PPP1R21: variants seen among roughly 807,000 people sequenced by gnomAD.
PPP1R21 encodes the protein KLRAQ motif containing 1.
In PPP1R21, 85 loss-of-function variants were observed where a neutral mutation model predicts 112.8. The ratio of observed to expected loss-of-function variants is 0.75; its 90% CI spans 0.63 to 0.90. The LOEUF is 0.90. Ranked by LOEUF, PPP1R21 falls within the 40% of genes least tolerant of loss-of-function variation. The pLI, the probability that PPP1R21 is intolerant of heterozygous loss-of-function variation, is 0.00. For synonymous variants in PPP1R21, 381 were observed against 322.3 expected, an observed-to-expected ratio of 1.18 and a Z score of -1.95; for missense variants, 1,199 against 901.5, an observed-to-expected ratio of 1.33 and a Z score of -4.23.
At chr2:48,502,117 C>A (rs1221908445) in intron 17 of PPP1R21, 3 of 152,080 alleles carry the variant, frequency 2.0e-5, no homozygotes, top group African/African-American at 7.2e-5. Context: ...GCTATTCTTA[C>A]ATATGTAAGT....
At chr2:48,508,589 T>C (rs1485768770) in intron 19 of PPP1R21, among the ~76,000 whole-genome samples, 2 of 152,196 alleles carry the variant, frequency 1.3e-5, no homozygotes, top group African/African-American at 4.8e-5. Flanking sequence ...GTGGAAATGC[T>C]GAATCACTAA....
At chr2:48,508,094 G>A (rs936072064) in intron 19 of PPP1R21, among the ~76,000 whole-genome samples, 40 of 150,350 alleles carry the variant, frequency 2.7e-4, no homozygotes, top group African/African-American at 8.8e-4. Context: ...AAAAAAAAAA[G>A]TTATTGCACT....
intron 14 of PPP1R21, among the ~76,000 whole-genome samples, chr2:48,489,167 A>G (rs556753912): frequency 1.1e-4 from 17 of 152,300 alleles, no homozygotes; most frequent in Admixed American, 7.8e-4. Context: ...TCAAAATACA[A>G]TATTCTTTAA....
Position 48,504,565 on chromosome 2 carries a change from C to G in PPP1R21, c.1936-999C>G, listed in dbSNP as rs1446572799. Among the ~76,000 whole-genome samples, 4 of 152,220 alleles carry G rather than the reference C, an allele frequency of 2.6e-5. No individual in the cohort carries two copies. The South Asian group carries it at 8.3e-4, about 32-fold the overall frequency. ...CTGAGGCGGGAGAATTGCTTGAACC[C>G]GGGAGGTGGAGGTTGCAGTGAGCCT... On this transcript the variant is annotated intron_variant, in intron 17 of 21. Transcript: ENST00000294952.
intron 12 of PPP1R21, chr2:48,479,643 C>T: frequency 1.7e-6 from 1 of 598,094 alleles, no homozygotes; most frequent in Non-Finnish European, 3.2e-6. Flanking sequence ...TTCACAAAGA[C>T]TTTCGTTTTA....
chr2:48,454,773 C>T (rs1165200502), intron 3 of PPP1R21, 32 bp downstream of exon 3: 2 of 1,572,574 alleles, frequency 1.3e-6, no homozygotes, highest in African/African-American at 2.7e-5. Context: ...TTAGTGTGAC[C>T]TTGTCGTTAG....
intron 18 of PPP1R21, 148 bp from the exon 19 acceptor site, chr2:48,507,121 A>C: frequency 8.7e-7 from 1 of 1,153,854 alleles, no homozygotes; most frequent in African/African-American, 1.6e-5. Context: ...GCTATGTCTG[A>C]AGTTTCTTCG....
At chr2:48,479,788 C>T (rs1162196266) in intron 12 of PPP1R21, 136 bp from the exon 13 acceptor site, 1 of 663,568 alleles carries the variant, frequency 1.5e-6, no homozygotes, top group Middle Eastern at 2.8e-4. Context: ...CTGAATGTAT[C>T]TGCCACGATT....
intron 15 of PPP1R21, among the ~76,000 whole-genome samples, chr2:48,495,093 C>A (rs953845465): frequency 6.6e-6 from 1 of 152,338 alleles, no homozygotes; most frequent in East Asian, 1.9e-4. Context: ...TATAAGTACT[C>A]AAAAATATGA....
rs896895826 is a variant in PPP1R21, at chr2:48,495,826, C to G, written c.1692+55C>G. 3.9e-6 allele frequency: 4 copies of G among 1,024,702 alleles called. No homozygotes were observed. The African/African-American group carries it at 6.3e-5, about 16-fold the overall frequency. The allele number at this position is 1,024,702 out of a possible 1,614,324, so 63.5% of individuals were successfully genotyped here. On this transcript the variant is annotated intron_variant, in intron 16 of 21. Transcript: ENST00000294952. ...TTAAAGAACAGAAATGTTAAATCCC[C>G]CATAGAAAGTTTTTAAGATACGTAG... is the stretch of plus-strand genomic sequence containing the variant.
chr2:48,484,514 CTT>C (rs56150780), intron 13 of PPP1R21, among the ~76,000 whole-genome samples: 95,816 of 122,840 alleles, frequency 0.78, 36,727 homozygotes, highest in African/African-American at 0.82. Context: ...AAAGAATAAA[CTT>C]TTTTTTTTTT....
intron 2 of PPP1R21, among the ~76,000 whole-genome samples, chr2:48,453,923 T>C (rs937083840): frequency 6.6e-6 from 1 of 152,218 alleles, no homozygotes; most frequent in Non-Finnish European, 1.5e-5. Flanking sequence ...CCCATTCTTT[T>C]TCACTGAAGG....
chr2:48,451,643 C>G (rs1667471673), intron 2 of PPP1R21, among the ~76,000 whole-genome samples: 1 of 152,148 alleles, frequency 6.6e-6, no homozygotes, highest in South Asian at 2.1e-4. Flanking sequence ...TGCCTCATTT[C>G]TAGTAGGCAT....
intron 17 of PPP1R21, among the ~76,000 whole-genome samples, chr2:48,503,702 C>T (rs915821266): frequency 3.3e-5 from 5 of 152,032 alleles, no homozygotes; most frequent in African/African-American, 1.2e-4. Flanking sequence ...AATCCCAGCA[C>T]TTTGGGAGGC....
At chr2:48,506,850 G>A (rs537425279) in intron 18 of PPP1R21, among the ~76,000 whole-genome samples, 7 of 151,992 alleles carry the variant, frequency 4.6e-5, no homozygotes, top group African/African-American at 1.4e-4. Context: ...GGAGGCTGAG[G>A]CAGGAGAATG....
At chr2:48,481,093 A>AT (rs1165795347) in intron 13 of PPP1R21, among the ~76,000 whole-genome samples, 1 of 152,178 alleles carries the variant, frequency 6.6e-6, no homozygotes, top group Non-Finnish European at 1.5e-5. Context: ...GGTTCAAGTG[A>AT]TTCTTCTGCC....
intron 15 of PPP1R21, among the ~76,000 whole-genome samples, chr2:48,491,925 G>T (rs1314710142): frequency 6.6e-6 from 1 of 152,106 alleles, no homozygotes; most frequent in African/African-American, 2.4e-5. Flanking sequence ...TGGGGAGCAG[G>T]ACTACTTATA....
intron 7 of PPP1R21, among the ~76,000 whole-genome samples, chr2:48,464,667 C>T (rs1668121601): frequency 6.6e-6 from 1 of 151,980 alleles, no homozygotes. Context: ...CCTGATAAGC[C>T]TGAAAGCAGT....
intron 1 of PPP1R21, chr2:48,441,581 G>A (rs546692094): frequency 1.9e-4 from 31 of 160,360 alleles, no homozygotes; most frequent in Admixed American, 5.2e-4. Flanking sequence ...TGAGTGCTAC[G>A]GCTCTATCCT....
Sources: gnomAD v4.1 joint callset for allele counts (sites outside exome capture counted in the v4.1 genomes callset) on GRCh38, gnomAD v4.1.1 for gene constraint, MANE v1.5 for transcripts, NCBI Gene and HGNC (gene_info 2026-07-23, HGNC 2026-07-21) for gene names.